The following BCAT1 variants were observed in gnomAD, a reference collection of about 807,000 sequenced individuals.
BCAT1 encodes the protein branched-chain-amino-acid aminotransferase, cytosolic.
BCAT1 carries 48 observed loss-of-function variants against 52.4 expected under a neutral mutation model. The ratio of observed to expected loss-of-function variants is 0.92; its 90% CI spans 0.73 to 1.16. The LOEUF is 1.16. BCAT1 is among the 50% of genes most tolerant of loss of function. BCAT1 has a pLI of 0.00. For synonymous variants in BCAT1, 167 were observed against 161.3 expected, an observed-to-expected ratio of 1.04 and a Z score of -0.27; for missense variants, 451 against 457.1, an observed-to-expected ratio of 0.99 and a Z score of 0.12.
chr12:24,916,414 C>T (rs1231104644), intron 1 of BCAT1, among the ~76,000 whole-genome samples: 2 of 152,084 alleles, frequency 1.3e-5, no homozygotes, highest in Non-Finnish European at 2.9e-5. Flanking sequence ...CTCAATCCCT[C>T]GAAGCAGTCC....
intron 4 of BCAT1, among the ~76,000 whole-genome samples, 179 bp from the exon 5 acceptor site, chr12:24,878,828 T>C (rs894619120): frequency 2.6e-5 from 4 of 152,198 alleles, no homozygotes; most frequent in Non-Finnish European, 5.9e-5. Flanking sequence ...TCTTTCTTAT[T>C]TGTCCTAATC....
At chr12:24,942,723 C>T (rs1382803798) in intron 1 of BCAT1, among the ~76,000 whole-genome samples, 6 of 152,114 alleles carry the variant, frequency 3.9e-5, no homozygotes, top group Admixed American at 3.9e-4. Context: ...ACCCCAAACT[C>T]CTACACTCCA....
chr12:24,942,819 A>T (rs1271163986), intron 1 of BCAT1, among the ~76,000 whole-genome samples: 1 of 152,262 alleles, frequency 6.6e-6, no homozygotes, highest in Non-Finnish European at 1.5e-5. Context: ...TAGGGTGCAT[A>T]TGGTATGAAC....
rs1367213507 is a variant in BCAT1 at position 24,811,567 on chromosome 12, C to G, written c.*6441G>C. Reference sequence around the variant, plus strand: ...ATGTTTAATTGTGCTTCTACAAAACCTTCAGAGCATGAGGTAGTTTCCTTT... The same window carrying G: ...ATGTTTAATTGTGCTTCTACAAAACGTTCAGAGCATGAGGTAGTTTCCTTT... On this transcript the variant is annotated 3_prime_UTR_variant, in exon 11 of 11. Transcript: ENST00000261192. 2 of 152,142 alleles carry G rather than the reference C, an allele frequency of 1.3e-5. No individual in the cohort carries two copies. The highest frequency in any genetic ancestry group is 4.8e-5 in the African/African-American group (2 of 41,438). The allele number at this position is 152,142 out of a possible 1,614,324, so 9.4% of individuals were successfully genotyped here. A position where few individuals can be genotyped will look rare whatever the true frequency, so the allele number is the denominator to read the frequency against.
chr12:24,845,767 A>G (rs1941325801), intron 6 of BCAT1, among the ~76,000 whole-genome samples: 1 of 152,222 alleles, frequency 6.6e-6, no homozygotes, highest in Admixed American at 6.5e-5. Context: ...TTAAAAAATA[A>G]CTATTTCAGT....
In BCAT1 at chr12:24,913,250, A is replaced by T. The variant is rs564215130; in HGVS notation, c.7-11365T>A. Among the ~76,000 whole-genome samples, 9 of 152,360 alleles carry T rather than the reference A, an allele frequency of 5.9e-5. No homozygotes were observed. In the South Asian group the frequency reaches 6.2e-4, roughly 11 times the overall value. On this transcript the variant is annotated intron_variant, in intron 1 of 10. Transcript: ENST00000261192. ...AATTACAGATTATCAAGTAGATAAC[A>T]CAAAGTTGTAGTGTTAATGAGACAA...
intron 1 of BCAT1, chr12:24,902,424 T>G: frequency 2.9e-6 from 3 of 1,046,962 alleles, no homozygotes; most frequent in Non-Finnish European, 3.4e-6. Flanking sequence ...GTGGGCAATT[T>G]AAAAGATAAA....
chr12:24,847,073 T>C (rs1243363756), intron 6 of BCAT1, among the ~76,000 whole-genome samples: 1 of 152,242 alleles, frequency 6.6e-6, no homozygotes, highest in Non-Finnish European at 1.5e-5. Context: ...AGTACTATCC[T>C]AGGCACTTTC....
At chr12:24,857,848 A>C (rs1373088427) in intron 5 of BCAT1, among the ~76,000 whole-genome samples, 3 of 152,186 alleles carry the variant, frequency 2.0e-5, no homozygotes, top group Non-Finnish European at 1.5e-5. Context: ...GTGTGTAATA[A>C]CTAGGCAGGA....
chr12:24,902,292 A>G, intron 1 of BCAT1: 1 of 1,305,840 alleles, frequency 7.7e-7, no homozygotes, highest in Non-Finnish European at 9.7e-7. Flanking sequence ...TGGTCTTGTC[A>G]ATCACAGACG....
intron 1 of BCAT1, among the ~76,000 whole-genome samples, chr12:24,921,799 T>C (rs79455775): frequency 0.015 from 2,209 of 152,322 alleles, 50 homozygotes; most frequent in African/African-American, 0.05. Flanking sequence ...AACATTCCTT[T>C]CTAAATCTGC....
intron 1 of BCAT1, among the ~76,000 whole-genome samples, chr12:24,910,366 G>A (rs1943301267): frequency 6.6e-6 from 1 of 151,058 alleles, no homozygotes; most frequent in Non-Finnish European, 1.5e-5. Context: ...GACATAGCGA[G>A]ACTCTGTCTC....
chr12:24,841,752 T>C (rs1941180089), intron 7 of BCAT1, among the ~76,000 whole-genome samples: 1 of 149,944 alleles, frequency 6.7e-6, no homozygotes, highest in African/African-American at 2.5e-5. Flanking sequence ...AAAAAAAAAA[T>C]ACAAAAATTA....
At chr12:24,943,493 G>A (rs374470902) in intron 1 of BCAT1, among the ~76,000 whole-genome samples, 11 of 58,560 alleles carry the variant, frequency 1.9e-4, no homozygotes, top group East Asian at 1.2e-3. Flanking sequence ...ACCCTATCTG[G>A]AAAAAAAAAA....
At chr12:24,893,990 G>C (rs1338085369) in intron 3 of BCAT1, among the ~76,000 whole-genome samples, 1 of 152,154 alleles carries the variant, frequency 6.6e-6, no homozygotes, top group Non-Finnish European at 1.5e-5. Context: ...ATTATCAACA[G>C]TGCTGGCTTT....
chr12:24,842,265 A>G, intron 6 of BCAT1, 41 bp from the exon 7 acceptor site: 2 of 1,604,778 alleles, frequency 1.2e-6, no homozygotes, highest in Non-Finnish European at 1.7e-6. Context: ...AACATACTTC[A>G]TCCCCACTCC....
chr12:24,891,313 G>A (rs1942831458), intron 3 of BCAT1, among the ~76,000 whole-genome samples: 1 of 152,000 alleles, frequency 6.6e-6, no homozygotes, highest in Non-Finnish European at 1.5e-5. Context: ...CATCCTCACT[G>A]TTCATTATAC....
intron 1 of BCAT1, chr12:24,945,393 G>T (rs1943921186): frequency 6.6e-6 from 1 of 152,204 alleles, no homozygotes; most frequent in Non-Finnish European, 1.5e-5. Context: ...TGAATGGACA[G>T]AGGCTCAGGA....
intron 10 of BCAT1, among the ~76,000 whole-genome samples, chr12:24,824,710 A>G (rs1940311390): frequency 6.6e-6 from 1 of 152,146 alleles, no homozygotes; most frequent in Non-Finnish European, 1.5e-5. Context: ...TAATTTGTTC[A>G]AGAAAATTTT....
Sources: allele counts gnomAD v4.1 joint callset (sites outside exome capture counted in the v4.1 genomes callset), GRCh38; gene constraint gnomAD v4.1.1; transcripts MANE v1.5; gene names NCBI Gene and HGNC (gene_info 2026-07-23, HGNC 2026-07-21).